Variants in NF1 observed in about 807,000 individuals in gnomAD.
NF1 encodes neurofibromin 1.
In NF1, 122 loss-of-function variants were observed where a neutral mutation model predicts 325.7. The observed-to-expected ratio is 0.37, with a 90% CI of 0.32 to 0.44. The LOEUF is 0.44. Among genes scored for constraint, NF1 ranks in the 20% least tolerant of loss-of-function variants. The pLI is 1.00. For missense variants in NF1, 2,140 were observed against 3,415.4 expected, an observed-to-expected ratio of 0.63 and a Z score of 9.31; for synonymous variants, 1,091 against 1,186.0, an observed-to-expected ratio of 0.92 and a Z score of 1.65.
At chr17:31,195,396 C>T (rs548634259) in intron 8 of NF1, among the ~76,000 whole-genome samples, 51 of 152,196 alleles carry the variant, frequency 3.4e-4, no homozygotes, top group Admixed American at 9.8e-4. Flanking sequence ...GTAAAATGCA[C>T]GTAACATCAA....
chr17:31,363,411 T>C (rs2070440745), intron 57 of NF1, among the ~76,000 whole-genome samples: 1 of 151,546 alleles, frequency 6.6e-6, no homozygotes, highest in Admixed American at 6.6e-5. Flanking sequence ...TTTAGCTCCA[T>C]GTAATCTTAT....
chr17:31,352,816 T>C (rs1046052826), intron 51 of NF1, among the ~76,000 whole-genome samples: 10 of 152,222 alleles, frequency 6.6e-5, no homozygotes, highest in African/African-American at 2.2e-4. Context: ...ATGAATATGG[T>C]ATGAAGCTGT....
At chr17:31,262,698 T>G (rs1333191647) in intron 35 of NF1, among the ~76,000 whole-genome samples, 1 of 152,184 alleles carries the variant, frequency 6.6e-6, no homozygotes, top group Admixed American at 6.5e-5. Context: ...AAAGAATATA[T>G]GAATATATGA....
At chr17:31,331,204 C>A (rs376497597) in intron 39 of NF1, 13 of 152,068 alleles carry the variant, frequency 8.5e-5, no homozygotes, top group African/African-American at 2.9e-4. Context: ...GACTCTTTGT[C>A]AGGTAAGAGA....
rs182617835 is a variant in NF1, at chr17:31,142,489, A to C, written c.61-13494A>C. Among the ~76,000 whole-genome samples, 123 of 152,218 alleles carry C rather than the reference A, an allele frequency of 8.1e-4. 1 individual carries two copies. Among genetic ancestry groups the C allele is most frequent in the Non-Finnish European group, 1.5e-3 (102 of 68,016 alleles). On this transcript the variant is annotated intron_variant, in intron 1 of 57. Coordinates refer to ENST00000358273, the MANE Select transcript of NF1 (RefSeq NM_001042492.3). Reference sequence around the variant, plus strand: ...ATTCTAGGCATAATTATTTTCTTATATGTGTTTCAGTATTACTTTTTTTGT... The same window carrying C: ...ATTCTAGGCATAATTATTTTCTTATCTGTGTTTCAGTATTACTTTTTTTGT...
chr17:31,170,054 A>G (rs2143708999), intron 5 of NF1, 57 bp downstream of exon 5: 1 of 1,042,788 alleles, frequency 9.6e-7, no homozygotes, highest in Admixed American at 1.8e-5. Context: ...AACTAGTATC[A>G]TGAATGTACT....
chr17:31,131,673 A>G (rs1438418726), intron 1 of NF1, among the ~76,000 whole-genome samples: 1 of 152,222 alleles, frequency 6.6e-6, no homozygotes, highest in African/African-American at 2.4e-5. Context: ...ATTGAAATGT[A>G]TAAATTTAAC....
chr17:31,182,211 T>C (rs557934470), intron 7 of NF1, among the ~76,000 whole-genome samples: 9 of 152,330 alleles, frequency 5.9e-5, no homozygotes, highest in African/African-American at 2.2e-4. Context: ...GTTCAGTCTT[T>C]GTTGCTTGGG....
In NF1 at chr17:31,370,312, G is replaced by GA. The variant is rs201013470; in HGVS notation, c.8378-3694dup. ...CATTTTTAATTAATGTGCTCATTAG[G>GA]AAAAAAATTGGAAAATTCAGAAAAA... On this transcript the variant is annotated intron_variant, in intron 57 of 57. Transcript: ENST00000358273. Among the ~76,000 whole-genome samples, 1,023 of 152,122 alleles carry GA rather than the reference G, an allele frequency of 6.7e-3. 18 individuals carry two copies. Among genetic ancestry groups the GA allele is most frequent in the African/African-American group, 0.023 (958 of 41,504 alleles).
At chr17:31,346,211 A>G (rs1054169668) in intron 48 of NF1, 1 of 1,610,982 alleles carries the variant, frequency 6.2e-7, no homozygotes, top group African/African-American at 1.3e-5. Flanking sequence ...TGGAAGAACC[A>G]GGAAGATGTG....
At chr17:31,195,904 A>C (rs2066426638) in intron 8 of NF1, among the ~76,000 whole-genome samples, 2 of 152,142 alleles carry the variant, frequency 1.3e-5, no homozygotes, top group Admixed American at 6.5e-5. Context: ...ATGGGTGTAC[A>C]AATAACTTCA....
chr17:31,195,345 G>A (rs927002198), intron 8 of NF1, among the ~76,000 whole-genome samples: 1 of 151,988 alleles, frequency 6.6e-6, no homozygotes, highest in Non-Finnish European at 1.5e-5. Flanking sequence ...CTCCCTTATG[G>A]ATCTGTGTAG....
In NF1 at chr17:31,374,422, G is replaced by A; in HGVS notation, c.*267G>A. On this transcript the variant is annotated 3_prime_UTR_variant, in exon 58 of 58. Transcript: ENST00000358273. Reference sequence around the variant, plus strand: ...AGAACAACTGCAAAGAAAGTGGGAGGTCAGGAAACTTTTAACTGAGAAATC... The same window carrying A: ...AGAACAACTGCAAAGAAAGTGGGAGATCAGGAAACTTTTAACTGAGAAATC... 1 of 505,932 alleles carries A rather than the reference G, an allele frequency of 2.0e-6. No individual in the cohort carries two copies. The highest frequency in any genetic ancestry group is 2.1e-5 in the South Asian group (1 of 47,738). 31.3% of individuals were successfully genotyped at this position (505,932 alleles called of 1,614,324 possible).
At chr17:31,297,171 A>C (rs750205711) in intron 36 of NF1, 2 of 152,236 alleles carry the variant, frequency 1.3e-5, no homozygotes, top group Non-Finnish European at 2.9e-5. Context: ...TGTCGTCTTC[A>C]ACATCAGCAT....
chr17:31,245,821 A>G (rs554017745), intron 29 of NF1, among the ~76,000 whole-genome samples: 2 of 152,274 alleles, frequency 1.3e-5, no homozygotes, highest in East Asian at 1.9e-4. Flanking sequence ...TGATTAAATC[A>G]TGGGTCATTG....
intron 36 of NF1, among the ~76,000 whole-genome samples, chr17:31,286,696 ATG>A (rs1468654047): frequency 6.6e-6 from 1 of 152,214 alleles, no homozygotes; most frequent in Non-Finnish European, 1.5e-5. Context: ...TAACTCATAA[ATG>A]GATGTGGTTG....
At chr17:31,315,488 T>C (rs1412957096) in intron 36 of NF1, among the ~76,000 whole-genome samples, 1 of 152,196 alleles carries the variant, frequency 6.6e-6, no homozygotes, top group African/African-American at 2.4e-5. Context: ...TCACGTTGCG[T>C]GACTGTATCA....
chr17:31,248,432 G>A (rs1288007782), intron 29 of NF1, among the ~76,000 whole-genome samples: 2 of 152,094 alleles, frequency 1.3e-5, no homozygotes, highest in Non-Finnish European at 2.9e-5. Context: ...ACGTGCATGT[G>A]CAGCCTGAGT....
chr17:31,171,354 G>T (rs546903764), intron 5 of NF1, among the ~76,000 whole-genome samples: 2 of 152,150 alleles, frequency 1.3e-5, no homozygotes, highest in South Asian at 2.1e-4. Flanking sequence ...ATTATTAAGC[G>T]TTGAGCAGTT....
Sources: allele counts gnomAD v4.1 joint callset (sites outside exome capture counted in the v4.1 genomes callset), GRCh38; gene constraint gnomAD v4.1.1; transcripts MANE v1.5; gene names NCBI Gene and HGNC (gene_info 2026-07-23, HGNC 2026-07-21).